The following MMP16 variants were observed in gnomAD, a reference collection of about 807,000 sequenced individuals.
MMP16 encodes the protein matrix metallopeptidase 16.
MMP16 carries 12 observed loss-of-function variants against 67.8 expected under a neutral mutation model. That is an observed-to-expected ratio of 0.18 (90% CI 0.11 to 0.29). The LOEUF (loss-of-function observed/expected upper bound fraction) is 0.29. Ranked by LOEUF, MMP16 falls within the 10% of genes least tolerant of loss-of-function variation. The pLI, the probability that MMP16 is intolerant of heterozygous loss-of-function variation, is 1.00. For synonymous variants in MMP16, 249 were observed against 255.9 expected, an observed-to-expected ratio of 0.97 and a Z score of 0.26; for missense variants, 475 against 765.7, an observed-to-expected ratio of 0.62 and a Z score of 4.48.
At chr8:88,258,257 T>G (rs1810335097) in intron 1 of MMP16, among the ~76,000 whole-genome samples, 1 of 152,194 alleles carries the variant, frequency 6.6e-6, no homozygotes, top group Admixed American at 6.5e-5. Context: ...TAAAATTTCC[T>G]TTTCTTGCCA....
rs1468437351 is a variant in MMP16 at position 88,039,783 on chromosome 8, T to C, written c.*1678A>G. 1 of 152,572 alleles carries C rather than the reference T, an allele frequency of 6.6e-6. No individual in the cohort carries two copies. The highest frequency in any genetic ancestry group is 2.4e-5 in the African/African-American group (1 of 41,452). 9.5% of individuals were successfully genotyped at this position (152,572 alleles called of 1,614,324 possible). ...GCAAGAAGCAGCTCCTAAAAATCAA[T>C]AAAGAGGTCTGTCAGTTGCTGACTT... On this transcript the variant is annotated 3_prime_UTR_variant, in exon 10 of 10. Transcript: ENST00000286614. The surrounding 1 kb of genome is among the most constrained non-coding windows in gnomAD (Gnocchi z 4.5).
chr8:88,148,831 C>A (rs1312617214), intron 4 of MMP16, among the ~76,000 whole-genome samples: 1 of 152,134 alleles, frequency 6.6e-6, no homozygotes, highest in Non-Finnish European at 1.5e-5. Flanking sequence ...AAATCAGTAT[C>A]AGAAATACGT....
chr8:88,061,226 T>C (rs1282228196), intron 7 of MMP16, among the ~76,000 whole-genome samples: 1 of 150,668 alleles, frequency 6.6e-6, no homozygotes, highest in African/African-American at 2.4e-5. Flanking sequence ...AGTTGGAAAA[T>C]CCAGAAAGCT....
At chr8:88,109,065 A>C (rs1809290091) in intron 6 of MMP16, among the ~76,000 whole-genome samples, 1 of 151,484 alleles carries the variant, frequency 6.6e-6, no homozygotes, top group South Asian at 2.1e-4. Context: ...GTTAAAATGC[A>C]GAGAAGACAG....
intron 4 of MMP16, among the ~76,000 whole-genome samples, chr8:88,152,721 A>C (rs1227963754): frequency 2.7e-5 from 1 of 37,606 alleles, no homozygotes; most frequent in Non-Finnish European, 5.1e-5. Flanking sequence ...ATTTCAAAAT[A>C]ATAAGAGCTA....
At chr8:88,070,114 A>G (rs1053290497) in intron 7 of MMP16, among the ~76,000 whole-genome samples, 4 of 152,152 alleles carry the variant, frequency 2.6e-5, no homozygotes, top group Non-Finnish European at 5.9e-5. Flanking sequence ...ATTTCACTAG[A>G]TAAAACTTGT....
At chr8:88,171,704 A>T (rs2129713198) in intron 3 of MMP16, among the ~76,000 whole-genome samples, 1 of 152,350 alleles carries the variant, frequency 6.6e-6, no homozygotes, top group South Asian at 2.1e-4. Flanking sequence ...TTCAAAATGG[A>T]AATAAGCACT....
intron 4 of MMP16, among the ~76,000 whole-genome samples, chr8:88,123,059 C>A (rs1270047788): frequency 1.3e-5 from 2 of 151,880 alleles, no homozygotes; most frequent in Admixed American, 6.6e-5. Flanking sequence ...GGATTTCTAA[C>A]CTTCAGAACC....
chr8:88,124,917 C>T lies in MMP16; in HGVS notation c.710-6056G>A, dbSNP rs368818011. 1.1e-4 allele frequency among the ~76,000 whole-genome samples: 16 copies of T among 151,902 alleles called. No homozygotes were observed. In the East Asian group the frequency reaches 1.4e-3, roughly 13 times the overall value. Reference sequence around the variant, plus strand: ...TAAACAGAGAGAAAAAGGAAGCTTGCTGGTGTTTCTTCTTATAAGTAAACT... The same window carrying T: ...TAAACAGAGAGAAAAAGGAAGCTTGTTGGTGTTTCTTCTTATAAGTAAACT... On this transcript the variant is annotated intron_variant, in intron 4 of 9. Coordinates refer to ENST00000286614, the MANE Select transcript of MMP16 (RefSeq NM_005941.5).
At chr8:88,316,009 A>G (rs929938165) in intron 1 of MMP16, among the ~76,000 whole-genome samples, 3 of 152,212 alleles carry the variant, frequency 2.0e-5, no homozygotes, top group South Asian at 2.1e-4. Context: ...ACCAGCCACA[A>G]CGTTCCCTTA....
At position 88,239,308 on chromosome 8, in the gene MMP16, A is replaced by AAG. The variant is rs1379412230; in HGVS notation, c.133-42003_133-42002insCT. ...AGACGCAGTCTCAAAAAAAAAAAAAAAAAAAAGAAAATTTCAAAATCAATT... is the reference window on the plus strand; with the variant it reads ...AGACGCAGTCTCAAAAAAAAAAAAAAAGAAAAAAGAAAATTTCAAAATCAATT... On this transcript the variant is annotated intron_variant, in intron 1 of 9. Coordinates refer to ENST00000286614, the MANE Select transcript of MMP16 (RefSeq NM_005941.5). 6.4e-4 allele frequency among the ~76,000 whole-genome samples: 97 copies of AAG among 151,608 alleles called. 4 individuals carry two copies. The highest frequency in any genetic ancestry group is 1.9e-3 in the African/African-American group (80 of 41,412).
chr8:88,075,975 A>AC (rs55809663), intron 6 of MMP16, among the ~76,000 whole-genome samples: 101 of 150,808 alleles, frequency 6.7e-4, no homozygotes, highest in Admixed American at 9.3e-4. Flanking sequence ...ACACACACAC[A>AC]AAATCTACTG....
chr8:88,098,669 T>C (rs1246317772), intron 6 of MMP16, among the ~76,000 whole-genome samples: 1 of 151,964 alleles, frequency 6.6e-6, no homozygotes, highest in Admixed American at 6.6e-5. Context: ...TAACATTCAT[T>C]GACTTTTAAG....
rs1232158060 is a variant in MMP16 at position 88,032,948 on chromosome 8, G to C, written c.*8513C>G. 1 of 151,914 alleles carries C rather than the reference G, an allele frequency of 6.6e-6. No homozygotes were observed. The highest frequency in any genetic ancestry group is 1.5e-5 in the Non-Finnish European group (1 of 67,958). The allele number at this position is 151,914 out of a possible 1,614,324, so 9.4% of individuals were successfully genotyped here. A position where few individuals can be genotyped will look rare whatever the true frequency, so the allele number is the denominator to read the frequency against. Reference sequence around the variant, plus strand: ...TCTCTCCATAATTGAAAACATCATGGGGAATTAAAAGAAAGGTGAAGTATT... The same window carrying C: ...TCTCTCCATAATTGAAAACATCATGCGGAATTAAAAGAAAGGTGAAGTATT... On this transcript the variant is annotated 3_prime_UTR_variant, in exon 10 of 10. Coordinates refer to ENST00000286614, the MANE Select transcript of MMP16 (RefSeq NM_005941.5).
At chr8:88,115,220 A>T (rs1461048346) in intron 6 of MMP16, among the ~76,000 whole-genome samples, 1 of 152,034 alleles carries the variant, frequency 6.6e-6, no homozygotes, top group African/African-American at 2.4e-5. Flanking sequence ...GTCTTTTAGA[A>T]TAAACAAAAG....
At chr8:88,274,675 C>T (rs961081192) in intron 1 of MMP16, among the ~76,000 whole-genome samples, 1 of 152,006 alleles carries the variant, frequency 6.6e-6, no homozygotes. Context: ...TAATTATTAA[C>T]TTCTGTGTCT....
intron 7 of MMP16, among the ~76,000 whole-genome samples, chr8:88,060,878 G>C (rs1371401037): frequency 1.3e-5 from 2 of 151,762 alleles, no homozygotes; most frequent in African/African-American, 4.8e-5. Context: ...CTCAAATATA[G>C]GATCAAAAAT....
chr8:88,316,449 A>G (rs1052609183), intron 1 of MMP16, among the ~76,000 whole-genome samples: 1 of 152,170 alleles, frequency 6.6e-6, no homozygotes, highest in African/African-American at 2.4e-5. Flanking sequence ...CAAAAACTCT[A>G]TGGCCCTTAA....
intron 1 of MMP16, among the ~76,000 whole-genome samples, chr8:88,272,878 A>G (rs1418670964): frequency 6.6e-6 from 1 of 152,036 alleles, no homozygotes; most frequent in Admixed American, 6.6e-5. Context: ...TGACCTCAAC[A>G]TTTCTTCCCC....
Sources: gnomAD v4.1 joint callset for allele counts (sites outside exome capture counted in the v4.1 genomes callset) on GRCh38, gnomAD v4.1.1 for gene constraint, Gnocchi (gnomAD v3.1) non-coding constraint, MANE v1.5 for transcripts, NCBI Gene and HGNC (gene_info 2026-07-23, HGNC 2026-07-21) for gene names.